Variants in ZFC3H1 observed in about 807,000 individuals in gnomAD.
The protein encoded by ZFC3H1 is zinc finger C3H1 domain-containing protein.
A neutral mutation model predicts 243.7 loss-of-function variants in ZFC3H1; 71 were observed. The ratio of observed to expected loss-of-function variants is 0.29; its 90% CI spans 0.24 to 0.36. The LOEUF (loss-of-function observed/expected upper bound fraction) is 0.36, where lower values mean the gene tolerates loss of function less well. ZFC3H1 is among the 10% of genes least tolerant of loss of function. The pLI, the probability that ZFC3H1 is intolerant of heterozygous loss-of-function variation, is 1.00. For missense variants in ZFC3H1, 1,966 were observed against 2,317.1 expected (o/e 0.85, Z 3.11); for synonymous variants, 838 against 813.0 (o/e 1.03, Z -0.52).
At chr12:71,644,691 G>A (rs553351227) in intron 4 of ZFC3H1, among the ~76,000 whole-genome samples, 186 bp downstream of exon 4, 14 of 152,190 alleles carry the variant, frequency 9.2e-5, no homozygotes, top group African/African-American at 3.1e-4. Flanking sequence ...GGTGGTGGGC[G>A]CCTGTAATCC....
At chr12:71,638,750 C>T (rs1880528828) in intron 6 of ZFC3H1, among the ~76,000 whole-genome samples, 1 of 151,996 alleles carries the variant, frequency 6.6e-6, no homozygotes, top group African/African-American at 2.4e-5. Flanking sequence ...AAAACTCTCA[C>T]TTTGTTCCAC....
At chr12:71,625,773 T>C (rs1880149239) in intron 22 of ZFC3H1, among the ~76,000 whole-genome samples, 1 of 152,180 alleles carries the variant, frequency 6.6e-6, no homozygotes, top group Non-Finnish European at 1.5e-5. Context: ...GTTTTTAGCT[T>C]GGCAATTTTA....
At chr12:71,654,146 A>C (rs562458332) in intron 2 of ZFC3H1, among the ~76,000 whole-genome samples, 1 of 152,172 alleles carries the variant, frequency 6.6e-6, no homozygotes, top group Non-Finnish European at 1.5e-5. Context: ...AAGTCTAAAG[A>C]ATGTATTTAA....
chr12:71,615,563 C>A (rs1285116106), intron 27 of ZFC3H1, among the ~76,000 whole-genome samples: 1 of 152,166 alleles, frequency 6.6e-6, no homozygotes, highest in Non-Finnish European at 1.5e-5. Context: ...GTCACCCAGG[C>A]TGGAGTGCAG....
At chr12:71,650,297 A>G (rs1880848968) in intron 2 of ZFC3H1, among the ~76,000 whole-genome samples, 1 of 152,208 alleles carries the variant, frequency 6.6e-6, no homozygotes, top group South Asian at 2.1e-4. Flanking sequence ...TAAATACAAT[A>G]AATTCAATAA....
At position 71,613,448 on chromosome 12, in the gene ZFC3H1, AG is replaced by A. The variant is rs748749463; in HGVS notation, c.5527-14del. The A allele has an allele frequency of 7.0e-6, 11 of 1,567,556 alleles. No homozygotes were observed. The highest frequency in any genetic ancestry group is 8.7e-6 in the Non-Finnish European group (10 of 1,152,672). On this transcript the variant is annotated splice_polypyrimidine_tract_variant and intron_variant, in intron 30 of 34. Coordinates refer to ENST00000378743, the MANE Select transcript of ZFC3H1 (RefSeq NM_144982.5). Reference sequence around the variant, plus strand: ...AAAAGAAAATAACCTGTAAAGGTTGAGGGGGGCGAAAAATGAATGCAACCAA... The same window carrying A: ...AAAAGAAAATAACCTGTAAAGGTTGAGGGGGCGAAAAATGAATGCAACCAA...
chr12:71,648,804 G>C (rs1157031258), intron 2 of ZFC3H1, among the ~76,000 whole-genome samples: 2 of 151,948 alleles, frequency 1.3e-5, no homozygotes, highest in African/African-American at 2.4e-5. Flanking sequence ...AAAATAATTC[G>C]AGCAGCCAGG....
At position 71,663,241 on chromosome 12, in the gene ZFC3H1, G is replaced by A. The variant is rs779925165; in HGVS notation, c.370C>T (p.Leu124=). The A allele has an allele frequency of 6.8e-6, 11 of 1,613,928 alleles. No homozygotes were observed. The South Asian group carries it at 9.9e-5, about 14-fold the overall frequency. Residue 124 remains leucine (L), a synonymous_variant, in exon 1 of 35, where the codon CTG becomes TTG. Coordinates refer to ENST00000378743, the MANE Select transcript of ZFC3H1 (RefSeq NM_144982.5). The part of the protein sequence containing the change: ...PPSVRMPSSS[L]SESSPRPSFW... The stretch of plus-strand genomic sequence containing the variant: ...GACGGCCGGGGACTGCTTTCGGACA[G>A]TGAGCTCGAAGGCATCCGTACAGAA...
chr12:71,625,481 C>G (rs533967700), intron 22 of ZFC3H1, among the ~76,000 whole-genome samples: 1 of 152,214 alleles, frequency 6.6e-6, no homozygotes, highest in East Asian at 1.9e-4. Context: ...TGCATGAGCC[C>G]AAGAGTTCAA....
Position 71,645,086 on chromosome 12 carries a change from A to G in ZFC3H1, c.1081-11T>C, listed in dbSNP as rs1178396425. On this transcript the variant is annotated splice_polypyrimidine_tract_variant and intron_variant, in intron 3 of 34. Coordinates refer to ENST00000378743, the MANE Select transcript of ZFC3H1 (RefSeq NM_144982.5). ...ATCTTCACCAAGTTTCTTTAAAGCA[A>G]AAAGAAAGAGCTAAAATTTTTTAAT... is the stretch of plus-strand genomic sequence containing the variant. The G allele has an allele frequency of 1.3e-6, 2 of 1,578,412 alleles. No homozygotes were observed. The highest frequency in any genetic ancestry group is 1.7e-6 in the Non-Finnish European group (2 of 1,169,164).
intron 27 of ZFC3H1, among the ~76,000 whole-genome samples, chr12:71,618,782 G>C (rs889949214): frequency 2.0e-5 from 3 of 152,112 alleles, no homozygotes; most frequent in African/African-American, 7.2e-5. Flanking sequence ...TGTTGGAATA[G>C]GAACTCTCAG....
chr12:71,629,405 G>C (rs1880257388), intron 19 of ZFC3H1, among the ~76,000 whole-genome samples: 1 of 151,972 alleles, frequency 6.6e-6, no homozygotes, highest in Non-Finnish European at 1.5e-5. Flanking sequence ...AACCTCAAGT[G>C]ATCAGCCCAC....
At chr12:71,634,352 A>C (rs1213102911) in intron 11 of ZFC3H1, 48 bp from the exon 12 acceptor site, 17 of 1,569,490 alleles carry the variant, frequency 1.1e-5, no homozygotes, top group Non-Finnish European at 1.5e-5. Flanking sequence ...GAATAAACTT[A>C]AACTATTTTT....
rs1881041905 is a variant in ZFC3H1 at position 71,657,116 on chromosome 12, T to C, written c.784A>G (p.Lys262Glu). 1.2e-6 allele frequency: 2 copies of C among 1,614,004 alleles called. No individual in the cohort carries two copies. Among genetic ancestry groups the C allele is most frequent in the East Asian group, 4.5e-5 (2 of 44,808 alleles). Residue 262 changes from lysine (K) to glutamate (E), a missense_variant, in exon 2 of 35, where the codon AAA (lysine) becomes GAA (glutamate). By Grantham distance (56) the Lys-to-Glu change is moderately conservative. This residue lies in a region of ZFC3H1 where 484 missense variants were observed against 449.7 expected (regional missense o/e 1.08). Coordinates refer to ENST00000378743, the MANE Select transcript of ZFC3H1 (RefSeq NM_144982.5). ...GTTTGGTCCTCGAAGTTCAATGTTT[T>C]AGGATCTTCCTGCACATTCTCTTCT... ...SKEENVQEDPKTLNFEDQTST... is the reference protein window; with the variant it reads ...SKEENVQEDPETLNFEDQTST...
Position 71,657,107 on chromosome 12 carries a change from T to G in ZFC3H1, c.793A>C (p.Asn265His), listed in dbSNP as rs370932009. ...ENVQEDPKTL[N>H]FEDQTSTDNV... ...TCAGTGCTAGTTTGGTCCTCGAAGT[T>G]CAATGTTTTAGGATCTTCCTGCACA... Residue 265 changes from asparagine (N) to histidine (H), a missense_variant, in exon 2 of 35, where the codon AAC (asparagine) becomes CAC (histidine). By Grantham distance (68) the Asn-to-His change is moderately conservative. This residue lies in a region of ZFC3H1 where 484 missense variants were observed against 449.7 expected (regional missense o/e 1.08). Transcript: ENST00000378743. 18 of 1,613,868 alleles carry G rather than the reference T, an allele frequency of 1.1e-5. No homozygotes were observed. The highest frequency in any genetic ancestry group is 1.4e-5 in the Non-Finnish European group (17 of 1,179,938).
At chr12:71,615,400 C>T in intron 27 of ZFC3H1, 84 bp from the exon 28 acceptor site, 1 of 880,432 alleles carries the variant, frequency 1.1e-6, no homozygotes, top group South Asian at 1.6e-5. Flanking sequence ...TCGTTAGTTT[C>T]ACTTAAATTT....
intron 22 of ZFC3H1, among the ~76,000 whole-genome samples, chr12:71,625,214 T>C (rs1880133471): frequency 6.6e-6 from 1 of 152,252 alleles, no homozygotes; most frequent in South Asian, 2.1e-4. Context: ...AGCGGTATCA[T>C]GTTATCCAAA....
At chr12:71,629,118 GAGA>G (rs1461104557) in intron 19 of ZFC3H1, 81 bp from the exon 20 acceptor site, 39 of 1,201,742 alleles carry the variant, frequency 3.2e-5, no homozygotes, top group South Asian at 6.3e-5. Context: ...AATAATATTT[GAGA>G]AGAACTACAT....
At chr12:71,638,305 T>C in intron 7 of ZFC3H1, 113 bp downstream of exon 7, 3 of 1,008,518 alleles carry the variant, frequency 3.0e-6, no homozygotes, top group Non-Finnish European at 2.9e-6. Context: ...CTATTAATTC[T>C]TGGTAAGCAA....
Sources: gnomAD v4.1 joint callset for allele counts (sites outside exome capture counted in the v4.1 genomes callset) on GRCh38, gnomAD v4.1.1 for gene constraint, gnomAD v4.1.1 regional missense constraint, MANE v1.5 for transcripts, NCBI Gene and HGNC (gene_info 2026-07-23, HGNC 2026-07-21) for gene names.